SLC24A2: variants seen among roughly 807,000 people sequenced by gnomAD.
SLC24A2 encodes sodium/potassium/calcium exchanger 2.
A neutral mutation model predicts 62.0 loss-of-function variants in SLC24A2; 36 were observed. That is an observed-to-expected ratio of 0.58 (90% confidence interval 0.44 to 0.77). The LOEUF (loss-of-function observed/expected upper bound fraction) is 0.77. Among genes scored for constraint, SLC24A2 ranks in the 30% least tolerant of loss-of-function variants. SLC24A2 has a pLI of 0.00. For synonymous variants in SLC24A2, 358 were observed against 294.0 expected (o/e 1.22, Z -2.23); for missense variants, 846 against 817.9 (o/e 1.03, Z -0.42).
At chr9:20,181,901 A>G in the SLC24A2 span, among the ~76,000 whole-genome samples, 1 of 152,234 alleles carries the variant, frequency 6.6e-6, no homozygotes, top group African/African-American at 2.4e-5. Context: ...CAAAGGGCTA[A>G]TATCCAGAAT....
chr9:19,882,595 C>T, the SLC24A2 span, among the ~76,000 whole-genome samples: 1 of 151,566 alleles, frequency 6.6e-6, no homozygotes, highest in African/African-American at 2.4e-5. Context: ...ATGTTCAGCG[C>T]TGCCACTGTC....
chr9:19,889,508 C>T, the SLC24A2 span, among the ~76,000 whole-genome samples: 1 of 152,160 alleles, frequency 6.6e-6, no homozygotes, highest in South Asian at 2.1e-4. Flanking sequence ...TAGCAATCAC[C>T]AAAACTTCCT....
the SLC24A2 span, among the ~76,000 whole-genome samples, chr9:20,187,396 G>A: frequency 2.0e-5 from 3 of 151,900 alleles, no homozygotes; most frequent in African/African-American, 4.8e-5. Flanking sequence ...TCCTTTTCCT[G>A]ACCCCCCGTT....
At chr9:20,008,816 C>G in the SLC24A2 span, among the ~76,000 whole-genome samples, 1 of 152,142 alleles carries the variant, frequency 6.6e-6, no homozygotes, top group South Asian at 2.1e-4. Flanking sequence ...GCACTCAGGG[C>G]CTTCAGTTTC....
At chr9:19,521,481 C>T (rs1320121263) in intron 9 of SLC24A2, among the ~76,000 whole-genome samples, 1 of 152,182 alleles carries the variant, frequency 6.6e-6, no homozygotes, top group Non-Finnish European at 1.5e-5. Flanking sequence ...GACTGACACC[C>T]AGGGTCTCCA....
intron 8 of SLC24A2, among the ~76,000 whole-genome samples, chr9:19,548,263 AT>A (rs542775976): frequency 2.0e-5 from 3 of 147,492 alleles, no homozygotes; most frequent in African/African-American, 5.4e-5. Context: ...TTTAGAAATG[AT>A]TTTTTTTAAA....
chr9:19,986,005 A>G, the SLC24A2 span, among the ~76,000 whole-genome samples: 1 of 152,168 alleles, frequency 6.6e-6, no homozygotes, highest in Non-Finnish European at 1.5e-5. Flanking sequence ...AGGATGGGAG[A>G]AAATATTTGT....
At chr9:19,560,389 TA>T (rs1835330967) in intron 7 of SLC24A2, among the ~76,000 whole-genome samples, 1 of 149,542 alleles carries the variant, frequency 6.7e-6, no homozygotes, top group African/African-American at 2.5e-5. Context: ...TGATTAAGGT[TA>T]AATGAGGTAA....
chr9:19,982,364 G>A, the SLC24A2 span, among the ~76,000 whole-genome samples: 2 of 152,156 alleles, frequency 1.3e-5, no homozygotes, highest in Non-Finnish European at 2.9e-5. Context: ...AACCCATAAA[G>A]GCAAGCACAG....
At chr9:19,658,593 T>A (rs1264547518) in intron 2 of SLC24A2, among the ~76,000 whole-genome samples, 1 of 152,240 alleles carries the variant, frequency 6.6e-6, no homozygotes, top group South Asian at 2.1e-4. Context: ...GTTAGGTTAA[T>A]TGTTCTCTGT....
chr9:19,827,498 A>C, the SLC24A2 span, among the ~76,000 whole-genome samples: 2 of 152,052 alleles, frequency 1.3e-5, no homozygotes, highest in South Asian at 4.2e-4. Context: ...TAATTTAAAA[A>C]TGTATATATA....
the SLC24A2 span, among the ~76,000 whole-genome samples, chr9:19,894,696 A>G: frequency 6.6e-6 from 1 of 152,176 alleles, no homozygotes; most frequent in Non-Finnish European, 1.5e-5. Context: ...AGAAAACAGA[A>G]AAGACAATAG....
the SLC24A2 span, among the ~76,000 whole-genome samples, chr9:20,005,579 T>G: frequency 5.3e-5 from 8 of 152,102 alleles, no homozygotes; most frequent in East Asian, 1.5e-3. Context: ...TAAAATTTCA[T>G]TTTTTACCTA....
chr9:20,246,897 T>A, the SLC24A2 span, among the ~76,000 whole-genome samples: 1 of 152,222 alleles, frequency 6.6e-6, no homozygotes, highest in Non-Finnish European at 1.5e-5. Flanking sequence ...CCAACACCAA[T>A]GCAACTACTG....
the SLC24A2 span, among the ~76,000 whole-genome samples, chr9:20,282,514 TG>T: frequency 6.6e-6 from 1 of 152,270 alleles, no homozygotes; most frequent in African/African-American, 2.4e-5. Context: ...AAGAGATTAA[TG>T]CCCCAAATCA....
At chr9:20,133,299 A>G in the SLC24A2 span, among the ~76,000 whole-genome samples, 1 of 152,142 alleles carries the variant, frequency 6.6e-6, no homozygotes, top group African/African-American at 2.4e-5. Context: ...CTCTTGAATG[A>G]TACACATTTA....
the SLC24A2 span, among the ~76,000 whole-genome samples, chr9:19,813,317 CTTTTTTTTTTTT>C: frequency 1.2e-5 from 1 of 86,284 alleles, no homozygotes; most frequent in African/African-American, 4.6e-5. Context: ...TCATCTTCCT[CTTTTTTTTTTTT>C]TTTTTTTTTT....
intron 2 of SLC24A2, among the ~76,000 whole-genome samples, chr9:19,769,135 T>A (rs530896620): frequency 6.6e-6 from 1 of 152,268 alleles, no homozygotes; most frequent in African/African-American, 2.4e-5. Flanking sequence ...TGAAACCCAC[T>A]CCTCCTGAAG....
the SLC24A2 span, among the ~76,000 whole-genome samples, chr9:19,943,510 A>G: frequency 6.6e-6 from 1 of 152,096 alleles, no homozygotes; most frequent in African/African-American, 2.4e-5. Context: ...AAATTGTTTT[A>G]CAGTATATAT....
Sources: gnomAD v4.1 joint callset for allele counts (sites outside exome capture counted in the v4.1 genomes callset) on GRCh38, gnomAD v4.1.1 for gene constraint, MANE v1.5 for transcripts, NCBI Gene and HGNC (gene_info 2026-07-23, HGNC 2026-07-21) for gene names.